Variants in MAP3K15 observed in about 807,000 individuals in gnomAD.
MAP3K15 encodes the protein mitogen-activated protein kinase kinase kinase 15.
Under a neutral mutation model 99.5 loss-of-function variants are expected in MAP3K15, and 124 were observed. That is an observed-to-expected ratio of 1.25 (90% CI 1.08 to 1.45). The LOEUF (loss-of-function observed/expected upper bound fraction) is 1.45, where lower values mean the gene tolerates loss of function less well. MAP3K15 is among the 40% of genes most tolerant of loss of function. The pLI is 0.00. For synonymous variants in MAP3K15, 494 were observed against 439.6 expected (o/e 1.12, Z -1.55); for missense variants, 1,242 against 1,079.7 (o/e 1.15, Z -2.11).
At chrX:19,451,448 A>AT (rs201874310) in intron 6 of MAP3K15, among the ~76,000 whole-genome samples, 4,426 of 81,661 alleles carry the variant, frequency 0.054, 243 homozygotes, top group African/African-American at 0.21. Flanking sequence ...ATATATATAT[A>AT]AAAAAAAAAA....
intron 17 of MAP3K15, 43 bp from the exon 18 acceptor site, chrX:19,392,150 A>G (rs779908699): frequency 3.4e-5 from 37 of 1,099,103 alleles, no homozygotes; most frequent in South Asian, 9.4e-5. Context: ...GACAGGCTGA[A>G]ACGAACTCAT....
intron 23 of MAP3K15, 122 bp from the exon 24 acceptor site, chrX:19,371,186 T>G: frequency 1.3e-6 from 1 of 788,842 alleles, no homozygotes; most frequent in Non-Finnish European, 1.8e-6. Context: ...AATCAGCCAG[T>G]TCACCCAGAT....
At chrX:19,482,463 C>T (rs2064297790) in intron 3 of MAP3K15, among the ~76,000 whole-genome samples, 2 of 112,014 alleles carry the variant, frequency 1.8e-5, no homozygotes, top group Non-Finnish European at 3.8e-5. Flanking sequence ...GGATGATCTT[C>T]GAAAACATCA....
intron 6 of MAP3K15, among the ~76,000 whole-genome samples, chrX:19,433,501 G>C (rs992028264): frequency 1.8e-5 from 2 of 110,942 alleles, no homozygotes; most frequent in Non-Finnish European, 3.8e-5. Context: ...TACCCCAACA[G>C]CATCCCTGGT....
intron 12 of MAP3K15, 93 bp from the exon 13 acceptor site, chrX:19,407,376 G>A: frequency 2.1e-6 from 1 of 485,257 alleles, no homozygotes; most frequent in Non-Finnish European, 3.3e-6. Context: ...ATCAATTCCT[G>A]AAAGATTCAT....
chrX:19,397,092 C>T (rs2063572891), intron 15 of MAP3K15, among the ~76,000 whole-genome samples: 1 of 109,846 alleles, frequency 9.1e-6, no homozygotes. Context: ...TTAACAGAGA[C>T]GAGGTTTCAC....
At position 19,400,763 on chromosome X, in the gene MAP3K15, A is replaced by G. The variant is rs991009326; in HGVS notation, c.1845-100T>C. 6 of 537,100 alleles carry G rather than the reference A, an allele frequency of 1.1e-5. No homozygotes were observed. The African/African-American group carries it at 1.4e-4, about 13-fold the overall frequency. 44.3% of individuals were successfully genotyped at this position (537,100 alleles called of 1,213,427 possible). On this transcript the variant is annotated intron_variant, in intron 13 of 28. Coordinates refer to ENST00000338883, the MANE Select transcript of MAP3K15 (RefSeq NM_001001671.4). ...TAAACTGTACTTAAATATAAACCAA[A>G]CTTTTACAAGTCATGGAACAATCGA...
intron 3 of MAP3K15, among the ~76,000 whole-genome samples, chrX:19,468,837 C>T (rs1455131803): frequency 1.8e-5 from 2 of 110,325 alleles, no homozygotes; most frequent in African/African-American, 3.3e-5. Context: ...TTTCACATCC[C>T]TTGTAAGTTG....
chrX:19,492,982 A>T (rs185187360), intron 1 of MAP3K15, among the ~76,000 whole-genome samples: 41 of 111,296 alleles, frequency 3.7e-4, no homozygotes, highest in African/African-American at 1.1e-3. Context: ...GATTTTTTTT[A>T]AAATTACATG....
At chrX:19,447,879 G>A (rs1339422895) in intron 6 of MAP3K15, among the ~76,000 whole-genome samples, 1 of 8,490 alleles carries the variant, frequency 1.2e-4, no homozygotes, top group Non-Finnish European at 4.3e-4. Flanking sequence ...GCGAGACTCC[G>A]TCTCAAAAAA....
intron 9 of MAP3K15, among the ~76,000 whole-genome samples, chrX:19,418,380 A>T (rs1041626022): frequency 2.0e-4 from 22 of 112,050 alleles, no homozygotes; most frequent in African/African-American, 6.8e-4. Context: ...AAGGCACAAG[A>T]ACTATGTGAT....
intron 1 of MAP3K15, among the ~76,000 whole-genome samples, chrX:19,495,351 A>G (rs186965723): frequency 9.8e-5 from 11 of 111,713 alleles, no homozygotes; most frequent in Admixed American, 7.6e-4. Context: ...TCTCATAAGA[A>G]GGAGCCAATA....
intron 9 of MAP3K15, among the ~76,000 whole-genome samples, chrX:19,415,468 G>A (rs939481692): frequency 8.9e-6 from 1 of 111,913 alleles, no homozygotes; most frequent in East Asian, 2.8e-4. Flanking sequence ...ATAACACAAC[G>A]TGGCTTTTTA....
intron 9 of MAP3K15, among the ~76,000 whole-genome samples, chrX:19,416,884 T>A (rs2063740684): frequency 8.9e-6 from 1 of 112,281 alleles, no homozygotes; most frequent in South Asian, 3.7e-4. Flanking sequence ...TAGTTCAAAG[T>A]TCAAAGCAAT....
chrX:19,368,899 G>A (rs752861643), intron 25 of MAP3K15, among the ~76,000 whole-genome samples, 155 bp downstream of exon 25: 3 of 107,174 alleles, frequency 2.8e-5, no homozygotes, highest in African/African-American at 1.0e-4. Context: ...TTGAGGCTGA[G>A]AATATGCGCC....
intron 9 of MAP3K15, among the ~76,000 whole-genome samples, chrX:19,420,075 C>A (rs971396485): frequency 8.9e-6 from 1 of 111,741 alleles, no homozygotes; most frequent in African/African-American, 3.3e-5. Flanking sequence ...TAAATGCCCA[C>A]AAGAGAAAGC....
At position 19,415,195 on chromosome X, in the gene MAP3K15, T is replaced by C. The variant is rs1271588451; in HGVS notation, c.1502A>G (p.Glu501Gly). 3 of 1,178,475 alleles carry C rather than the reference T, an allele frequency of 2.5e-6. No individual in the cohort carries two copies. The highest frequency in any genetic ancestry group is 3.5e-5 in the African/African-American group (2 of 56,913). The change falls in exon 10 of 29, where the codon GAA becomes GGA. Residue 501 changes from glutamate (E) to glycine (G), a missense_variant. By Grantham distance (98) the Glu-to-Gly change is moderately conservative. Coordinates refer to ENST00000338883, the MANE Select transcript of MAP3K15 (RefSeq NM_001001671.4). Reference sequence around the variant, plus strand: ...CAGCCGCTCTTGCCTGGGCGAGTGTTCAATAATGGTTTTCTTGAAGCGCCG... The same window carrying C: ...CAGCCGCTCTTGCCTGGGCGAGTGTCCAATAATGGTTTTCTTGAAGCGCCG... ...LIRRFKKTII[E>G]HSPRQERLNF...
At chrX:19,470,427 G>A (rs1405229531) in intron 3 of MAP3K15, among the ~76,000 whole-genome samples, 1 of 110,052 alleles carries the variant, frequency 9.1e-6, no homozygotes, top group Non-Finnish European at 1.9e-5. Flanking sequence ...GGGAGGGATA[G>A]CATTAGGTGC....
In MAP3K15 at chrX:19,437,896, T is replaced by C. The variant is rs1412327798; in HGVS notation, c.996-6288A>G. ...AAAAAACAACAGTATACCTCCTGTGTGGTCCTATAGTTTAAAAACTCTGCA... is the reference window on the plus strand; with the variant it reads ...AAAAAACAACAGTATACCTCCTGTGCGGTCCTATAGTTTAAAAACTCTGCA... On this transcript the variant is annotated intron_variant, in intron 6 of 28. Transcript: ENST00000338883. Among the ~76,000 whole-genome samples the C allele has an allele frequency of 2.7e-5, 3 of 111,748 alleles. No individual in the cohort carries two copies. In the East Asian group the frequency reaches 8.4e-4, roughly 31 times the overall value.
Sources: gnomAD v4.1 joint callset for allele counts (sites outside exome capture counted in the v4.1 genomes callset) on GRCh38, gnomAD v4.1.1 for gene constraint, MANE v1.5 for transcripts, NCBI Gene and HGNC (gene_info 2026-07-23, HGNC 2026-07-21) for gene names.